LPAR6: variants seen among roughly 807,000 people sequenced by gnomAD.
LPAR6 encodes the protein G-protein coupled purinergic receptor P2Y5.
Under a neutral mutation model 22.0 loss-of-function variants are expected in LPAR6, and 17 were observed. That is an observed-to-expected ratio of 0.77 (90% confidence interval 0.53 to 1.16). The LOEUF is 1.16. LPAR6 is among the 50% of genes most tolerant of loss of function. LPAR6 has a pLI of 0.00. For missense variants in LPAR6, 384 were observed against 406.9 expected (o/e 0.94, Z 0.48); for synonymous variants, 136 against 139.8 (o/e 0.97, Z 0.19).
chr13:48,424,273 C>T (rs140800166), intron 1 of LPAR6, among the ~76,000 whole-genome samples: 1,525 of 152,284 alleles, frequency 0.01, 36 homozygotes, highest in African/African-American at 0.035. Context: ...ATAAGTCTAT[C>T]GGTATCATTT....
upstream of LPAR6, among the ~76,000 whole-genome samples, chr13:48,413,350 G>A (rs1290938360): frequency 1.3e-5 from 2 of 152,126 alleles, no homozygotes; most frequent in East Asian, 3.8e-4. Context: ...ACCTCTCAGA[G>A]TTGTTTTGAT....
At chr13:48,405,936 A>G (rs1178560852) in intron 1 of LPAR6, among the ~76,000 whole-genome samples, 2 of 152,108 alleles carry the variant, frequency 1.3e-5, no homozygotes, top group African/African-American at 4.8e-5. Context: ...TACCTTCTTG[A>G]AGTCATTCCA....
Position 48,404,012 on chromosome 13 carries a change from A to G in LPAR6, n.114+11688T>C, listed in dbSNP as rs7981869. 2.9e-3 allele frequency among the ~76,000 whole-genome samples: 435 copies of G among 152,040 alleles called. 2 individuals are homozygous for G. The highest frequency in any genetic ancestry group is 1.0e-2 in the African/African-American group (414 of 41,450). On this transcript the variant is annotated intron_variant and non_coding_transcript_variant, in intron 1 of 1. Transcript: ENST00000462781. ...TGAGACACTGTCTCAAAGAAAAACG[A>G]AAAAAAAGCACCTTCCTCTTTACTA...
chr13:48,422,511 T>C (rs865792699), intron 2 of LPAR6: 2 of 152,334 alleles, frequency 1.3e-5, no homozygotes, highest in Middle Eastern at 3.4e-3. Context: ...ACTTAAAGTA[T>C]AATACTTTTA....
At chr13:48,402,468 C>T (rs1948701594) in intron 1 of LPAR6, among the ~76,000 whole-genome samples, 2 of 150,262 alleles carry the variant, frequency 1.3e-5, no homozygotes, top group East Asian at 3.9e-4. Flanking sequence ...GCCTTGAACT[C>T]TTGGGCTCAA....
At chr13:48,391,921 AC>A (rs1273129339) in intron 1 of LPAR6, among the ~76,000 whole-genome samples, 2 of 152,044 alleles carry the variant, frequency 1.3e-5, no homozygotes, top group Non-Finnish European at 2.9e-5. Context: ...CACCCAGCCA[AC>A]AAAAAACATT....
downstream of LPAR6, chr13:48,406,676 T>G (rs532071909): frequency 6.6e-6 from 1 of 152,240 alleles, no homozygotes; most frequent in Non-Finnish European, 1.5e-5. Context: ...TTTAATTCTT[T>G]CAGTATCCAA....
At chr13:48,435,981 C>T (rs1410935807) in intron 1 of LPAR6, among the ~76,000 whole-genome samples, 1 of 152,148 alleles carries the variant, frequency 6.6e-6, no homozygotes, top group Admixed American at 6.6e-5. Flanking sequence ...GGATGAAAAA[C>T]AAAACCCAAC....
At chr13:48,394,638 A>G (rs171988) in intron 1 of LPAR6, among the ~76,000 whole-genome samples, 118,911 of 152,152 alleles carry the variant, frequency 0.78, 52,245 homozygotes, top group Non-Finnish European at 0.97. Flanking sequence ...AGGAAGTTCA[A>G]ACTGGGCAGA....
rs1486562594 is a variant in LPAR6, at chr13:48,412,704, T to TA, written c.-282dup. On this transcript the variant is annotated 5_prime_UTR_variant, in exon 1 of 1. Transcript: ENST00000620633. ...GCTCAGTTAACTGACGAGCAACCTT[T>TA]AAAAAATACAGTCAACGAGTCCAAC... is the stretch of plus-strand genomic sequence containing the variant. 1.3e-4 allele frequency: 61 copies of TA among 475,398 alleles called. No homozygotes were observed. In the Middle Eastern group the frequency reaches 1.9e-3, roughly 15 times the overall value. The allele number at this position is 475,398 out of a possible 1,614,324, so 29.4% of individuals were successfully genotyped here.
chr13:48,401,784 T>G (rs1948694353), intron 1 of LPAR6, among the ~76,000 whole-genome samples: 2 of 152,152 alleles, frequency 1.3e-5, no homozygotes, highest in Non-Finnish European at 2.9e-5. Flanking sequence ...TTTCTTAGCC[T>G]TTTCAAAAAA....
intron 1 of LPAR6, among the ~76,000 whole-genome samples, chr13:48,390,064 C>T (rs1247723265): frequency 6.6e-6 from 1 of 151,970 alleles, no homozygotes; most frequent in Admixed American, 6.6e-5. Context: ...GGAGAATTGC[C>T]TGAGCCTGGG....
intron 2 of LPAR6, among the ~76,000 whole-genome samples, chr13:48,419,916 A>T (rs967225263): frequency 6.6e-6 from 1 of 152,236 alleles, no homozygotes; most frequent in African/African-American, 2.4e-5. Flanking sequence ...AACCAAAAAA[A>T]TCCCAGGAGC....
chr13:48,410,242 A>G (rs4151546), downstream of LPAR6, among the ~76,000 whole-genome samples: 1 of 152,232 alleles, frequency 6.6e-6, no homozygotes, highest in Admixed American at 6.5e-5. Context: ...AGATTATCAT[A>G]CTATATTTTT....
rs1272100840 is a variant in LPAR6 at position 48,411,353 on chromosome 13, G to C, written c.*36C>G. 2.0e-6 allele frequency: 3 copies of C among 1,536,914 alleles called. No homozygotes were observed. Among genetic ancestry groups the C allele is most frequent in the Non-Finnish European group, 2.7e-6 (3 of 1,113,596 alleles). On this transcript the variant is annotated 3_prime_UTR_variant, in exon 1 of 1. Transcript: ENST00000620633. The stretch of plus-strand genomic sequence containing the variant: ...ACACTTTTCACAGTTGAAGGAACTT[G>C]AAAGTTCTGTCCCAGTGAGTCCTAA...
At chr13:48,439,382 G>C (rs1234271504) in intron 1 of LPAR6, among the ~76,000 whole-genome samples, 1 of 152,056 alleles carries the variant, frequency 6.6e-6, no homozygotes, top group East Asian at 1.9e-4. Context: ...GTGAGGTAGT[G>C]AGAGAAATAA....
At chr13:48,426,910 G>C (rs918031882), upstream of LPAR6, 1 of 152,352 alleles carries the variant, frequency 6.6e-6, no homozygotes, top group African/African-American at 2.4e-5. Flanking sequence ...TCAGCTTCTG[G>C]TGAGTCCTGA....
chr13:48,442,665 A>T (rs1482553535), intron 1 of LPAR6, among the ~76,000 whole-genome samples: 1 of 152,152 alleles, frequency 6.6e-6, no homozygotes, highest in Non-Finnish European at 1.5e-5. Flanking sequence ...CATTCAGATA[A>T]GTGACTATTT....
At chr13:48,432,329 C>T (rs1949138409) in intron 1 of LPAR6, among the ~76,000 whole-genome samples, 2 of 152,108 alleles carry the variant, frequency 1.3e-5, no homozygotes, top group African/African-American at 4.8e-5. Flanking sequence ...ATAGAAATTT[C>T]TAAACAGTAT....
Sources: allele counts gnomAD v4.1 joint callset (sites outside exome capture counted in the v4.1 genomes callset), GRCh38; gene constraint gnomAD v4.1.1; transcripts MANE v1.5; gene names NCBI Gene and HGNC (gene_info 2026-07-23, HGNC 2026-07-21).